SCAPER: variants seen among roughly 807,000 people sequenced by gnomAD.
The protein encoded by SCAPER is S phase cyclin A-associated protein in the endoplasmic reticulum.
A neutral mutation model predicts 182.2 loss-of-function variants in SCAPER; 98 were observed. That is an observed-to-expected ratio of 0.54 (90% CI 0.46 to 0.64). SCAPER has a LOEUF of 0.64. Among genes scored for constraint, SCAPER ranks in the 30% least tolerant of loss-of-function variants. The pLI is 0.00. For synonymous variants in SCAPER, 605 were observed against 564.6 expected (o/e 1.07, Z -1.01); for missense variants, 1,432 against 1,690.0 (o/e 0.85, Z 2.68).
chr15:76,480,754 G>A (rs1250102071), intron 24 of SCAPER, among the ~76,000 whole-genome samples: 1 of 150,824 alleles, frequency 6.6e-6, no homozygotes, highest in Non-Finnish European at 1.5e-5. Context: ...TTTTTGAGAC[G>A]GAGTCTCCCT....
intron 4 of SCAPER, among the ~76,000 whole-genome samples, chr15:76,853,472 G>A (rs1480227717): frequency 6.6e-6 from 1 of 151,522 alleles, no homozygotes; most frequent in Non-Finnish European, 1.5e-5. Flanking sequence ...TAAAAATCAA[G>A]TAGGCTTCAT....
chr15:76,882,217 C>A (rs2073588365), intron 2 of SCAPER, among the ~76,000 whole-genome samples: 1 of 151,900 alleles, frequency 6.6e-6, no homozygotes, highest in Non-Finnish European at 1.5e-5. Context: ...GGCAACAAAG[C>A]AAGACCCTAT....
At chr15:76,823,336 T>C (rs1166997844) in intron 5 of SCAPER, among the ~76,000 whole-genome samples, 2 of 152,040 alleles carry the variant, frequency 1.3e-5, no homozygotes, top group Non-Finnish European at 2.9e-5. Context: ...GGCAGGCCCC[T>C]GTAATCCCAG....
At chr15:76,634,410 T>C (rs1338498369) in intron 21 of SCAPER, among the ~76,000 whole-genome samples, 1 of 152,108 alleles carries the variant, frequency 6.6e-6, no homozygotes, top group Non-Finnish European at 1.5e-5. Flanking sequence ...AGTGGAGCTG[T>C]TTCTATTCAG....
At chr15:76,641,007 C>A (rs953100595) in intron 21 of SCAPER, among the ~76,000 whole-genome samples, 2 of 152,138 alleles carry the variant, frequency 1.3e-5, no homozygotes, top group Non-Finnish European at 2.9e-5. Context: ...TGAGGGGCGC[C>A]TGTCCATATG....
At chr15:76,761,042 G>A (rs2062753045) in intron 14 of SCAPER, among the ~76,000 whole-genome samples, 1 of 151,934 alleles carries the variant, frequency 6.6e-6, no homozygotes, top group African/African-American at 2.4e-5. Context: ...TTTGTTATTG[G>A]TCTGTTTAGG....
chr15:76,783,876 G>A (rs1397346725), intron 8 of SCAPER, among the ~76,000 whole-genome samples: 2 of 152,168 alleles, frequency 1.3e-5, no homozygotes, highest in Non-Finnish European at 2.9e-5. Flanking sequence ...GTATTGATGG[G>A]ATGTATCTCA....
At chr15:76,849,034 G>C (rs532997806) in intron 4 of SCAPER, among the ~76,000 whole-genome samples, 10 of 152,152 alleles carry the variant, frequency 6.6e-5, no homozygotes, top group Non-Finnish European at 1.3e-4. Flanking sequence ...CCTTGGACTA[G>C]GGGAGGACAC....
At chr15:76,510,438 A>T (rs2041929252) in intron 23 of SCAPER, among the ~76,000 whole-genome samples, 1 of 152,250 alleles carries the variant, frequency 6.6e-6, no homozygotes, top group Non-Finnish European at 1.5e-5. Flanking sequence ...GGCTGAGGAT[A>T]TGAATAGACA....
At chr15:76,888,350 G>A (rs913660513) in intron 1 of SCAPER, among the ~76,000 whole-genome samples, 6 of 152,078 alleles carry the variant, frequency 3.9e-5, no homozygotes, top group African/African-American at 9.7e-5. Flanking sequence ...AGTAGGCTTC[G>A]GAAGGTCGGT....
intron 29 of SCAPER, among the ~76,000 whole-genome samples, chr15:76,374,174 G>T (rs1348543463): frequency 6.6e-6 from 1 of 152,028 alleles, no homozygotes; most frequent in Non-Finnish European, 1.5e-5. Flanking sequence ...TGGATTACAA[G>T]GTCAGGAGTT....
At chr15:76,377,934 G>A (rs1454384951) in intron 28 of SCAPER, among the ~76,000 whole-genome samples, 1 of 152,190 alleles carries the variant, frequency 6.6e-6, no homozygotes, top group Non-Finnish European at 1.5e-5. Flanking sequence ...CACATTTTCT[G>A]AGGGCCTACT....
At chr15:76,564,093 T>C (rs941252939) in intron 23 of SCAPER, among the ~76,000 whole-genome samples, 5 of 152,126 alleles carry the variant, frequency 3.3e-5, no homozygotes, top group African/African-American at 4.8e-5. Flanking sequence ...ACTTTATCCT[T>C]GAAAGCCGGC....
chr15:76,439,276 G>C (rs756069196), intron 25 of SCAPER, among the ~76,000 whole-genome samples: 1 of 152,080 alleles, frequency 6.6e-6, no homozygotes, highest in African/African-American at 2.4e-5. Flanking sequence ...ATAGGGTTTC[G>C]TCATGTTTGC....
At chr15:76,891,715 A>G (rs1381727915) in intron 1 of SCAPER, among the ~76,000 whole-genome samples, 1 of 152,212 alleles carries the variant, frequency 6.6e-6, no homozygotes, top group Non-Finnish European at 1.5e-5. Context: ...GGAAGAATCA[A>G]TTTCATGAAA....
At position 76,589,262 on chromosome 15, in the gene SCAPER, G is replaced by T. The variant is rs2048926671; in HGVS notation, c.2712-14978C>A. On this transcript the variant is annotated intron_variant, in intron 22 of 31. Transcript: ENST00000563290. ...TAGTATAAGGGAGGATCTGGCGGTG[G>T]GTGGGGCCCAAGAACAGCTAACAGA... Among the ~76,000 whole-genome samples, 3 of 152,070 alleles carry T rather than the reference G, an allele frequency of 2.0e-5. No homozygotes were observed. In the South Asian group the frequency reaches 6.2e-4, roughly 32 times the overall value.
Position 76,565,586 on chromosome 15 carries a change from C to T in SCAPER, c.2838+8572G>A, listed in dbSNP as rs570133854. On this transcript the variant is annotated intron_variant, in intron 23 of 31. Coordinates refer to ENST00000563290, the MANE Select transcript of SCAPER (RefSeq NM_020843.4). ...GCTTATACACTCAGTTTGATGACGT[C>T]TGACTACTGCTCACAACTATCTAAG... Among the ~76,000 whole-genome samples the T allele has an allele frequency of 3.9e-5, 6 of 152,064 alleles. No individual in the cohort carries two copies. In the South Asian group the frequency reaches 1.2e-3, roughly 32 times the overall value.
At chr15:76,350,015 G>A (rs1461274891) in intron 31 of SCAPER, 1 of 152,150 alleles carries the variant, frequency 6.6e-6, no homozygotes, top group Non-Finnish European at 1.5e-5. Flanking sequence ...AAATACATTA[G>A]ATTTTTCTAA....
intron 23 of SCAPER, among the ~76,000 whole-genome samples, chr15:76,554,155 T>C (rs1428548643): frequency 6.6e-6 from 1 of 152,178 alleles, no homozygotes. Flanking sequence ...CTGATAGAGC[T>C]GAAAAATACA....
Sources: gnomAD v4.1 joint callset for allele counts (sites outside exome capture counted in the v4.1 genomes callset) on GRCh38, gnomAD v4.1.1 for gene constraint, MANE v1.5 for transcripts, NCBI Gene and HGNC (gene_info 2026-07-23, HGNC 2026-07-21) for gene names.